MYO9A: variants seen among roughly 807,000 people sequenced by gnomAD.
MYO9A encodes myosin IXA, also known as unconventional myosin-IXa.
Under a neutral mutation model 293.3 loss-of-function variants are expected in MYO9A, and 103 were observed. The observed-to-expected ratio is 0.35, with a 90% CI of 0.30 to 0.41. The LOEUF (loss-of-function observed/expected upper bound fraction) is 0.41, where lower values mean the gene tolerates loss of function less well. MYO9A is among the 10% of genes least tolerant of loss of function. The probability of loss-of-function intolerance (pLI) is 1.00; values close to 1 mark genes in which losing one functional copy is unlikely to be tolerated. For synonymous variants in MYO9A, 1,001 were observed against 1,035.7 expected, an observed-to-expected ratio of 0.97 and a Z score of 0.64; for missense variants, 2,685 against 3,033.0, an observed-to-expected ratio of 0.89 and a Z score of 2.69.
chr15:71,924,795 C>G, intron 18 of MYO9A, among the ~76,000 whole-genome samples: 1 of 151,956 alleles, frequency 6.6e-6, no homozygotes, highest in East Asian at 1.9e-4. Flanking sequence ...TGACACATGC[C>G]TGTAACCCCA....
At chr15:71,842,644 G>A (rs2055207147) in intron 39 of MYO9A, among the ~76,000 whole-genome samples, 1 of 151,988 alleles carries the variant, frequency 6.6e-6, no homozygotes, top group South Asian at 2.1e-4. Flanking sequence ...CAGATTATGA[G>A]GTCAGGAGAT....
intron 28 of MYO9A, among the ~76,000 whole-genome samples, chr15:71,883,139 T>C (rs528273826): frequency 1.3e-5 from 2 of 152,262 alleles, no homozygotes; most frequent in Admixed American, 1.3e-4. Context: ...AGTTTTCTCA[T>C]CCATAAATTG....
chr15:71,923,180 C>T (rs537136102), intron 18 of MYO9A, among the ~76,000 whole-genome samples: 3 of 152,158 alleles, frequency 2.0e-5, no homozygotes, highest in East Asian at 3.9e-4. Context: ...TCACATTTAC[C>T]GATTTGCATA....
intron 32 of MYO9A, among the ~76,000 whole-genome samples, chr15:71,866,150 G>A (rs933773933): frequency 4.6e-5 from 7 of 152,068 alleles, no homozygotes; most frequent in African/African-American, 1.4e-4. Flanking sequence ...AATGAAAAAG[G>A]AAAATGATGT....
chr15:71,834,603 C>T (rs1328619217), intron 39 of MYO9A, among the ~76,000 whole-genome samples: 1 of 151,232 alleles, frequency 6.6e-6, no homozygotes, highest in Non-Finnish European at 1.5e-5. Context: ...AAAACCCCTT[C>T]TCTAAAAAAA....
chr15:71,855,427 TG>T (rs1161832113), intron 34 of MYO9A, among the ~76,000 whole-genome samples: 2 of 152,202 alleles, frequency 1.3e-5, no homozygotes, highest in East Asian at 3.8e-4. Context: ...TGAACCACTG[TG>T]TCCAGCCAAT....
intron 10 of MYO9A, among the ~76,000 whole-genome samples, chr15:71,992,903 A>G (rs1464989543): frequency 2.0e-5 from 3 of 151,984 alleles, no homozygotes; most frequent in Non-Finnish European, 4.4e-5. Flanking sequence ...AACTAAAAAC[A>G]AGAAAAATGA....
chr15:71,881,353 C>A (rs528487397), intron 28 of MYO9A, among the ~76,000 whole-genome samples: 1 of 151,848 alleles, frequency 6.6e-6, no homozygotes, highest in Non-Finnish European at 1.5e-5. Flanking sequence ...TGCTCGTTAC[C>A]CTCTGTCCAA....
intron 14 of MYO9A, chr15:71,953,529 T>G (rs1224767956): frequency 6.6e-6 from 1 of 152,196 alleles, no homozygotes; most frequent in African/African-American, 2.4e-5. Flanking sequence ...TGTAGAGTTT[T>G]AAAAAATCAA....
chr15:72,063,497 T>C (rs535695407), intron 1 of MYO9A, among the ~76,000 whole-genome samples: 1 of 151,770 alleles, frequency 6.6e-6, no homozygotes, highest in East Asian at 1.9e-4. Flanking sequence ...GCAAACTGTC[T>C]ATCTGACAAG....
chr15:72,051,236 C>T (rs2078552732), intron 1 of MYO9A, among the ~76,000 whole-genome samples: 1 of 152,146 alleles, frequency 6.6e-6, no homozygotes. Flanking sequence ...AGCAGCGGCC[C>T]ATCTATAGCG....
At position 71,929,073 on chromosome 15, in the gene MYO9A, T is replaced by TA. The variant is rs71133934; in HGVS notation, c.2562+4596dup. On this transcript the variant is annotated intron_variant, in intron 18 of 41. Transcript: ENST00000356056. The stretch of plus-strand genomic sequence containing the variant: ...TGGCAGAGTGATACACTGTCTCTAT[T>TA]AAAAAAAAAAAAAAAGCAAGAAACA... Among the ~76,000 whole-genome samples, 813 of 139,674 alleles carry TA rather than the reference T, an allele frequency of 5.8e-3. 4 individuals are homozygous for TA. Among genetic ancestry groups the TA allele is most frequent in the African/African-American group, 0.011 (406 of 37,710 alleles). 91.6% of individuals were successfully genotyped at this position (139,674 alleles called of 152,430 possible). A position where few individuals can be genotyped will look rare whatever the true frequency, so the allele number is the denominator to read the frequency against.
intron 32 of MYO9A, among the ~76,000 whole-genome samples, chr15:71,864,486 C>T (rs1018371392): frequency 6.6e-6 from 1 of 152,144 alleles, no homozygotes; most frequent in South Asian, 2.1e-4. Flanking sequence ...CAGGTTTATA[C>T]ACAAGATAAC....
chr15:72,113,799 T>C (rs1567056050), intron 1 of MYO9A, among the ~76,000 whole-genome samples: 1 of 152,170 alleles, frequency 6.6e-6, no homozygotes, highest in Non-Finnish European at 1.5e-5. Flanking sequence ...ACAGACTTGT[T>C]AGCAATCAAT....
intron 3 of MYO9A, among the ~76,000 whole-genome samples, chr15:72,032,149 G>C (rs2077891909): frequency 6.6e-6 from 1 of 152,128 alleles, no homozygotes. Flanking sequence ...GACCTCAGGT[G>C]ATCCACCCAC....
intron 19 of MYO9A, among the ~76,000 whole-genome samples, chr15:71,914,806 T>C (rs759138410): frequency 2.0e-4 from 31 of 152,254 alleles, no homozygotes; most frequent in Admixed American, 3.3e-4. Flanking sequence ...ATATGTAAAT[T>C]TGGAAGGATT....
chr15:71,888,710 C>T (rs1159135001), intron 26 of MYO9A: 1 of 152,154 alleles, frequency 6.6e-6, no homozygotes, highest in African/African-American at 2.4e-5. Context: ...TAAAATGTGT[C>T]CCTCTAAAGA....
At chr15:72,114,554 G>C (rs924885488) in intron 1 of MYO9A, 4 of 152,084 alleles carry the variant, frequency 2.6e-5, no homozygotes, top group South Asian at 2.1e-4. Flanking sequence ...GTAGGAAATC[G>C]GGGGGAAGAA....
chr15:71,862,647 A>T (rs527306019), intron 32 of MYO9A, 36 bp from the exon 33 acceptor site: 2 of 1,395,896 alleles, frequency 1.4e-6, no homozygotes, highest in Non-Finnish European at 2.0e-6. Flanking sequence ...TATTAAAGCC[A>T]ACACAGTAAA....
Sources: gnomAD v4.1 joint callset for allele counts (sites outside exome capture counted in the v4.1 genomes callset) on GRCh38, gnomAD v4.1.1 for gene constraint, MANE v1.5 for transcripts, NCBI Gene and HGNC (gene_info 2026-07-23, HGNC 2026-07-21) for gene names.